SLC39A11: variants seen among roughly 807,000 people sequenced by gnomAD.
The protein encoded by SLC39A11 is zinc transporter ZIP11.
A neutral mutation model predicts 36.1 loss-of-function variants in SLC39A11; 33 were observed. The ratio of observed to expected loss-of-function variants is 0.91; its 90% confidence interval spans 0.69 to 1.22. SLC39A11 has a LOEUF of 1.22. SLC39A11 is among the 50% of genes most tolerant of loss of function. SLC39A11 has a pLI of 0.00. For synonymous variants in SLC39A11, 166 were observed against 170.3 expected (o/e 0.97, Z 0.20); for missense variants, 432 against 430.3 (o/e 1.00, Z -0.03).
At chr17:72,784,963 G>A (rs1168545931) in intron 6 of SLC39A11, among the ~76,000 whole-genome samples, 6 of 150,946 alleles carry the variant, frequency 4.0e-5, no homozygotes, top group Admixed American at 6.6e-5. Flanking sequence ...AGGTTCAAGC[G>A]ATTCTCCTGC....
intron 6 of SLC39A11, among the ~76,000 whole-genome samples, chr17:72,750,306 G>A (rs1404597480): frequency 6.6e-6 from 1 of 152,070 alleles, no homozygotes; most frequent in Non-Finnish European, 1.5e-5. Flanking sequence ...AGGCAGCCTA[G>A]GGCCAGATAC....
At chr17:72,785,384 GTC>G (rs2076474365) in intron 6 of SLC39A11, among the ~76,000 whole-genome samples, 1 of 123,534 alleles carries the variant, frequency 8.1e-6, no homozygotes, top group Non-Finnish European at 1.7e-5. Context: ...CAGAGAAAGA[GTC>G]GGGAGAATTT....
chr17:72,785,848 A>G (rs968658080), intron 6 of SLC39A11, among the ~76,000 whole-genome samples: 1 of 152,230 alleles, frequency 6.6e-6, no homozygotes, highest in Non-Finnish European at 1.5e-5. Context: ...TCACTCAGAG[A>G]TGCTAAATGC....
At chr17:72,986,750 G>A (rs1479253726) in intron 4 of SLC39A11, among the ~76,000 whole-genome samples, 3 of 152,208 alleles carry the variant, frequency 2.0e-5, no homozygotes, top group Non-Finnish European at 2.9e-5. Context: ...CACAGGCCGG[G>A]CATGGTGGCT....
At chr17:72,909,211 C>A (rs2082833785) in intron 5 of SLC39A11, among the ~76,000 whole-genome samples, 1 of 152,144 alleles carries the variant, frequency 6.6e-6, no homozygotes, top group Non-Finnish European at 1.5e-5. Context: ...CTCAAGCGAT[C>A]CTCCCACCTT....
chr17:72,818,023 C>A (rs2077640408), intron 6 of SLC39A11: 2 of 152,152 alleles, frequency 1.3e-5, no homozygotes, highest in Admixed American at 1.3e-4. Flanking sequence ...AGAACTCACA[C>A]ACTATTATGA....
intron 4 of SLC39A11, among the ~76,000 whole-genome samples, chr17:73,009,573 A>C (rs2090397777): frequency 6.6e-6 from 1 of 152,042 alleles, no homozygotes; most frequent in Non-Finnish European, 1.5e-5. Flanking sequence ...GGGGAGATGG[A>C]GAGTGATGGC....
intron 5 of SLC39A11, among the ~76,000 whole-genome samples, chr17:72,934,559 G>A (rs993708339): frequency 3.3e-5 from 5 of 152,098 alleles, no homozygotes; most frequent in East Asian, 1.9e-4. Flanking sequence ...CCAGCTACTC[G>A]GGTGGCTGAG....
At chr17:72,803,735 T>C (rs1456028128) in intron 6 of SLC39A11, among the ~76,000 whole-genome samples, 1 of 152,152 alleles carries the variant, frequency 6.6e-6, no homozygotes, top group Admixed American at 6.5e-5. Flanking sequence ...CCTTGATCAG[T>C]ATTCGGCAGA....
intron 4 of SLC39A11, among the ~76,000 whole-genome samples, chr17:72,996,795 T>C (rs904174534): frequency 1.3e-5 from 2 of 152,190 alleles, no homozygotes; most frequent in African/African-American, 2.4e-5. Context: ...CAACCCAGTA[T>C]ACCCACCCTT....
intron 4 of SLC39A11, among the ~76,000 whole-genome samples, chr17:72,993,474 C>G (rs907690278): frequency 1.3e-5 from 2 of 152,146 alleles, no homozygotes; most frequent in East Asian, 1.9e-4. Context: ...GAACCACTGT[C>G]CTAAATATTG....
intron 5 of SLC39A11, among the ~76,000 whole-genome samples, chr17:72,877,590 A>C (rs888920774): frequency 3.3e-5 from 5 of 152,096 alleles, no homozygotes; most frequent in Non-Finnish European, 5.9e-5. Flanking sequence ...TGGAAGAAAA[A>C]TCTGAAGCTA....
At chr17:73,083,502 G>A (rs776906194) in intron 3 of SLC39A11, among the ~76,000 whole-genome samples, 1 of 152,076 alleles carries the variant, frequency 6.6e-6, no homozygotes, top group Non-Finnish European at 1.5e-5. Context: ...CATATTACAC[G>A]CCTTTTGATA....
chr17:72,983,886 G>A (rs1289209973), intron 4 of SLC39A11, among the ~76,000 whole-genome samples: 3 of 152,266 alleles, frequency 2.0e-5, no homozygotes, highest in African/African-American at 7.2e-5. Flanking sequence ...TCACCATCTG[G>A]GCAAGGCTCC....
intron 7 of SLC39A11, among the ~76,000 whole-genome samples, chr17:72,711,467 T>C (rs1296718288): frequency 1.3e-5 from 2 of 152,218 alleles, no homozygotes; most frequent in African/African-American, 4.8e-5. Flanking sequence ...AGTAGAAATC[T>C]AGACACAATC....
intron 4 of SLC39A11, among the ~76,000 whole-genome samples, chr17:72,990,197 A>G (rs2089065688): frequency 6.6e-6 from 1 of 152,242 alleles, no homozygotes; most frequent in South Asian, 2.1e-4. Flanking sequence ...AAACCGATGC[A>G]GAGCCTTGAT....
chr17:72,877,806 T>C (rs1254247209), intron 5 of SLC39A11, among the ~76,000 whole-genome samples: 17 of 151,634 alleles, frequency 1.1e-4, no homozygotes, highest in Admixed American at 1.1e-3. Flanking sequence ...TTTATTTTTT[T>C]ATTTTTATTT....
At chr17:73,047,990 A>AAAAAAAAT (rs1555693446) in intron 3 of SLC39A11, among the ~76,000 whole-genome samples, 6 of 58,702 alleles carry the variant, frequency 1.0e-4, no homozygotes, top group Non-Finnish European at 1.2e-4. Flanking sequence ...AAAAAAAAAA[A>AAAAAAAAT]ATATATATAT....
intron 7 of SLC39A11, among the ~76,000 whole-genome samples, chr17:72,681,374 AC>A (rs973780021): frequency 1.3e-5 from 2 of 152,162 alleles, no homozygotes; most frequent in Non-Finnish European, 2.9e-5. Context: ...CATGATTAGA[AC>A]TGTGTTTCTA....
Sources: gnomAD v4.1 joint callset for allele counts (sites outside exome capture counted in the v4.1 genomes callset) on GRCh38, gnomAD v4.1.1 for gene constraint, MANE v1.5 for transcripts, NCBI Gene and HGNC (gene_info 2026-07-23, HGNC 2026-07-21) for gene names.